Variants in GNAL observed in about 807,000 individuals in gnomAD.
The protein encoded by GNAL is G protein subunit alpha L.
In GNAL, 18 loss-of-function variants were observed where a neutral mutation model predicts 55.1. The observed-to-expected ratio is 0.33, with a 90% CI of 0.23 to 0.48. The LOEUF (loss-of-function observed/expected upper bound fraction) is 0.48. Ranked by LOEUF, GNAL falls within the 20% of genes least tolerant of loss-of-function variation. The pLI, the probability that GNAL is intolerant of heterozygous loss-of-function variation, is 0.99. For synonymous variants in GNAL, 253 were observed against 237.0 expected, an observed-to-expected ratio of 1.07 and a Z score of -0.62; for missense variants, 412 against 614.1, an observed-to-expected ratio of 0.67 and a Z score of 3.48.
chr18:11,786,865 A>G (rs1339852888), intron 4 of GNAL, among the ~76,000 whole-genome samples: 1 of 152,044 alleles, frequency 6.6e-6, no homozygotes, highest in African/African-American at 2.4e-5. Flanking sequence ...ACTGATTCAA[A>G]CTATGTCTGC....
At chr18:11,803,200 A>G (rs1568034381) in intron 4 of GNAL, among the ~76,000 whole-genome samples, 1 of 152,168 alleles carries the variant, frequency 6.6e-6, no homozygotes, top group Non-Finnish European at 1.5e-5. Context: ...CATCTTCCCA[A>G]AATGAAACTT....
At chr18:11,842,151 T>C (rs965860038) in intron 5 of GNAL, among the ~76,000 whole-genome samples, 1 of 147,224 alleles carries the variant, frequency 6.8e-6, no homozygotes, top group African/African-American at 2.5e-5. Context: ...TTTGTATATG[T>C]TTTTTTTTTA....
chr18:11,834,545 CAA>C (rs5823176), intron 5 of GNAL, among the ~76,000 whole-genome samples: 1 of 144,106 alleles, frequency 6.9e-6, no homozygotes, highest in African/African-American at 2.5e-5. Flanking sequence ...CTAGTGTCTA[CAA>C]AAAAAAAAAT....
intron 4 of GNAL, among the ~76,000 whole-genome samples, chr18:11,788,914 A>AAAAAAAATAT (rs60071996): frequency 0.029 from 1,634 of 56,076 alleles, 49 homozygotes; most frequent in East Asian, 0.068. Context: ...AAAAAAAAAA[A>AAAAAAAATAT]ATATATATAT....
chr18:11,779,034 G>A (rs2033859172), intron 4 of GNAL, among the ~76,000 whole-genome samples: 1 of 152,100 alleles, frequency 6.6e-6, no homozygotes, highest in Non-Finnish European at 1.5e-5. Flanking sequence ...ATAAAAATAG[G>A]TTCTTGAGAA....
chr18:11,713,388 G>T (rs999874954), intron 1 of GNAL, among the ~76,000 whole-genome samples: 2 of 152,214 alleles, frequency 1.3e-5, no homozygotes, highest in Admixed American at 6.5e-5. Flanking sequence ...CAATTGGTTA[G>T]CAGAGCATCT....
intron 4 of GNAL, among the ~76,000 whole-genome samples, chr18:11,800,709 G>A (rs1051226626): frequency 6.6e-6 from 1 of 152,208 alleles, no homozygotes; most frequent in Non-Finnish European, 1.5e-5. Flanking sequence ...TGGGAGACTC[G>A]TGGGGCTGTC....
intron 4 of GNAL, among the ~76,000 whole-genome samples, chr18:11,756,640 A>G (rs1372945665): frequency 6.6e-6 from 1 of 152,082 alleles, no homozygotes; most frequent in Non-Finnish European, 1.5e-5. Flanking sequence ...TAATTTTAGT[A>G]TGCACAGAAT....
At chr18:11,830,660 C>G (rs1252831999) in intron 5 of GNAL, among the ~76,000 whole-genome samples, 2 of 152,110 alleles carry the variant, frequency 1.3e-5, no homozygotes, top group Non-Finnish European at 2.9e-5. Flanking sequence ...TACCTCCATA[C>G]AAAAACTGGT....
At chr18:11,873,152 C>A (rs1380636719) in intron 10 of GNAL, among the ~76,000 whole-genome samples, 1 of 152,200 alleles carries the variant, frequency 6.6e-6, no homozygotes, top group Admixed American at 6.5e-5. Flanking sequence ...TGAAATAACA[C>A]CGCTTCTTAC....
intron 4 of GNAL, among the ~76,000 whole-genome samples, chr18:11,774,397 A>G (rs964291071): frequency 6.6e-6 from 1 of 152,218 alleles, no homozygotes; most frequent in African/African-American, 2.4e-5. Flanking sequence ...AATATAAAGA[A>G]AAACCAAATT....
rs1335477822 is a variant in GNAL at position 11,882,334 on chromosome 18, T to C, written c.*1199T>C. On this transcript the variant is annotated 3_prime_UTR_variant, in exon 12 of 12. Coordinates refer to ENST00000334049, the MANE Select transcript of GNAL (RefSeq NM_182978.4). ...TCCCCAAGTGGGAACAGGTCCATCA[T>C]TCCCTTAGTCAAAACTTTGGACACA... is the stretch of plus-strand genomic sequence containing the variant. 3 of 152,184 alleles carry C rather than the reference T, an allele frequency of 2.0e-5. No homozygotes were observed. The highest frequency in any genetic ancestry group is 4.4e-5 in the Non-Finnish European group (3 of 68,034). The allele number at this position is 152,184 out of a possible 1,614,324, so 9.4% of individuals were successfully genotyped here. A position where few individuals can be genotyped will look rare whatever the true frequency, so the allele number is the denominator to read the frequency against.
intron 5 of GNAL, chr18:11,851,434 G>A: frequency 2.1e-6 from 3 of 1,438,208 alleles, no homozygotes; most frequent in Admixed American, 2.9e-5. Context: ...AGCGGCGGCC[G>A]GGAGCGGACT....
intron 4 of GNAL, among the ~76,000 whole-genome samples, chr18:11,802,738 A>T (rs2034551975): frequency 6.6e-6 from 1 of 152,248 alleles, no homozygotes; most frequent in Non-Finnish European, 1.5e-5. Context: ...CAGTGTGTTG[A>T]TGGCTGATGC....
intron 10 of GNAL, among the ~76,000 whole-genome samples, chr18:11,873,150 C>T (rs1182371216): frequency 6.6e-6 from 1 of 152,218 alleles, no homozygotes; most frequent in Non-Finnish European, 1.5e-5. Flanking sequence ...GGTGAAATAA[C>T]ACCGCTTCTT....
intron 5 of GNAL, among the ~76,000 whole-genome samples, chr18:11,855,723 A>C (rs563771207): frequency 7.3e-4 from 111 of 152,316 alleles, no homozygotes; most frequent in African/African-American, 2.6e-3. Context: ...CTGTAATCCC[A>C]ACACTTTGGG....
At chr18:11,734,161 T>TC (rs1171104216) in intron 1 of GNAL, among the ~76,000 whole-genome samples, 3 of 151,170 alleles carry the variant, frequency 2.0e-5, no homozygotes, top group African/African-American at 7.3e-5. Context: ...TTTTTTTTTT[T>TC]TTTGAGACAG....
At chr18:11,855,950 C>T (rs1230404425) in intron 5 of GNAL, among the ~76,000 whole-genome samples, 1 of 150,046 alleles carries the variant, frequency 6.7e-6, no homozygotes, top group African/African-American at 2.5e-5. Context: ...CCAGCCTGGG[C>T]AACAAGAGCG....
intron 4 of GNAL, among the ~76,000 whole-genome samples, chr18:11,823,338 CTCT>C (rs2035154774): frequency 6.6e-6 from 1 of 152,132 alleles, no homozygotes; most frequent in Non-Finnish European, 1.5e-5. Flanking sequence ...GGGAGAATGT[CTCT>C]TTTTTTGTCA....
Sources: allele counts gnomAD v4.1 joint callset (sites outside exome capture counted in the v4.1 genomes callset), GRCh38; gene constraint gnomAD v4.1.1; transcripts MANE v1.5; gene names NCBI Gene and HGNC (gene_info 2026-07-23, HGNC 2026-07-21).